The following MDFIC variants were observed in gnomAD, a reference collection of about 807,000 sequenced individuals.
The protein encoded by MDFIC is myoD family inhibitor domain-containing protein.
Under a neutral mutation model 23.2 loss-of-function variants are expected in MDFIC, and 17 were observed. The observed-to-expected ratio is 0.73, with a 90% confidence interval of 0.50 to 1.10. MDFIC has a LOEUF of 1.10. Among genes scored for constraint, MDFIC ranks in the 50% least tolerant of loss-of-function variants. The probability of loss-of-function intolerance (pLI) is 0.00; values close to 1 mark genes in which losing one functional copy is unlikely to be tolerated. For missense variants in MDFIC, 356 were observed against 316.6 expected (o/e 1.12, Z -0.95); for synonymous variants, 120 against 115.2 (o/e 1.04, Z -0.27).
At chr7:114,960,818 G>A (rs900680446) in intron 3 of MDFIC, among the ~76,000 whole-genome samples, 1 of 151,924 alleles carries the variant, frequency 6.6e-6, no homozygotes, top group African/African-American at 2.4e-5. Context: ...TTTTAAAAAG[G>A]TACACATTTA....
chr7:114,961,425 A>G (rs915721109), intron 3 of MDFIC, among the ~76,000 whole-genome samples: 2 of 152,192 alleles, frequency 1.3e-5, no homozygotes, highest in Non-Finnish European at 2.9e-5. Flanking sequence ...AGAGGGGATT[A>G]TGACACTAGT....
At chr7:114,947,044 T>G (rs1792660568) in intron 3 of MDFIC, among the ~76,000 whole-genome samples, 1 of 152,194 alleles carries the variant, frequency 6.6e-6, no homozygotes, top group Admixed American at 6.5e-5. Flanking sequence ...AGGTTTGTAT[T>G]AAGTTTATTT....
chr7:114,936,481 AGG>A (rs1792426030), intron 2 of MDFIC, among the ~76,000 whole-genome samples: 1 of 152,170 alleles, frequency 6.6e-6, no homozygotes, highest in Non-Finnish European at 1.5e-5. Flanking sequence ...CTTATAGAAA[AGG>A]TAAAGTGTAC....
At chr7:114,989,986 A>G (rs1444762624) in intron 4 of MDFIC, among the ~76,000 whole-genome samples, 3 of 152,196 alleles carry the variant, frequency 2.0e-5, no homozygotes, top group African/African-American at 7.2e-5. Flanking sequence ...GCTTTTACAC[A>G]TAGTATAGTA....
chr7:114,928,444 G>A (rs528187630), intron 2 of MDFIC, among the ~76,000 whole-genome samples: 2 of 152,306 alleles, frequency 1.3e-5, no homozygotes, highest in South Asian at 4.1e-4. Context: ...TCTAGTAGGG[G>A]ATTTGGAAAA....
intron 2 of MDFIC, among the ~76,000 whole-genome samples, chr7:114,926,060 C>T (rs1031878442): frequency 1.3e-5 from 2 of 152,046 alleles, no homozygotes; most frequent in African/African-American, 2.4e-5. Flanking sequence ...TTTGTGTGGT[C>T]CCTGTAATTG....
chr7:115,016,199 TG>T lies in MDFIC; in HGVS notation c.*265del. On this transcript the variant is annotated 3_prime_UTR_variant, in exon 5 of 5. Transcript: ENST00000393486. ...ACATTTTGACACCCCCCTTCCCAAA[TG>T]TTAAATGCCTTCTCCTTTTTACCGA... is the stretch of plus-strand genomic sequence containing the variant. The T allele has an allele frequency of 2.6e-6, 1 of 386,972 alleles. No homozygotes were observed. The highest frequency in any genetic ancestry group is 3.4e-5 in the South Asian group (1 of 29,502). The allele number at this position is 386,972 out of a possible 1,614,324, so 24.0% of individuals were successfully genotyped here. A position where few individuals can be genotyped will look rare whatever the true frequency, so the allele number is the denominator to read the frequency against.
intron 2 of MDFIC, 91 bp downstream of exon 2, chr7:114,923,218 CTG>C (rs1266848129): frequency 6.8e-7 from 1 of 1,460,670 alleles, no homozygotes; most frequent in East Asian, 2.5e-5. Context: ...GGGGGGAGTG[CTG>C]TGAGGAGGGG....
At position 114,991,007 on chromosome 7, in the gene MDFIC, C is replaced by A. The variant is rs78014755; in HGVS notation, c.493+11226C>A. 4.6e-4 allele frequency among the ~76,000 whole-genome samples: 70 copies of A among 150,554 alleles called. 2 individuals carry two copies. The East Asian group carries it at 0.013, about 27-fold the overall frequency. ...CTATTTCTCCACATCCTCTCTAGCA[C>A]CTGTTGTTTCCTGACTTTTTAATGA... On this transcript the variant is annotated intron_variant, in intron 4 of 4. Transcript: ENST00000393486.
chr7:114,995,928 G>A (rs891483384), intron 4 of MDFIC, among the ~76,000 whole-genome samples: 2 of 152,186 alleles, frequency 1.3e-5, no homozygotes, highest in Non-Finnish European at 1.5e-5. Flanking sequence ...GCTGAAGACT[G>A]CAGCTGTTCC....
At chr7:114,979,464 C>A (rs372511187) in intron 3 of MDFIC, 42 bp from the exon 4 acceptor site, 97 of 1,546,188 alleles carry the variant, frequency 6.3e-5, no homozygotes, top group Middle Eastern at 5.2e-4. Context: ...ATATTAATTT[C>A]TTTTTCTTTA....
chr7:114,996,853 A>G (rs1791343605), intron 4 of MDFIC, among the ~76,000 whole-genome samples: 1 of 152,232 alleles, frequency 6.6e-6, no homozygotes, highest in Non-Finnish European at 1.5e-5. Context: ...AAAGTGCAAA[A>G]GTACTCCAAA....
chr7:114,989,063 GGCCA>G (rs1245274286), intron 4 of MDFIC, among the ~76,000 whole-genome samples: 2 of 152,056 alleles, frequency 1.3e-5, no homozygotes, highest in African/African-American at 4.8e-5. Context: ...GTCAGAGTAA[GGCCA>G]TACTGATAAA....
chr7:115,015,025 A>T (rs1009701664), intron 4 of MDFIC, among the ~76,000 whole-genome samples: 1 of 152,194 alleles, frequency 6.6e-6, no homozygotes, highest in East Asian at 1.9e-4. Context: ...TTGCTAAGGT[A>T]CAAATTCCTT....
At chr7:114,924,751 A>T (rs1792157646) in intron 2 of MDFIC, among the ~76,000 whole-genome samples, 1 of 152,232 alleles carries the variant, frequency 6.6e-6, no homozygotes. Context: ...ATTTAAATAT[A>T]AAGTTGATTT....
chr7:114,923,157 C>T (rs1344355800), intron 2 of MDFIC, 30 bp downstream of exon 2: 25 of 1,528,842 alleles, frequency 1.6e-5, no homozygotes, highest in Non-Finnish European at 2.2e-5. Flanking sequence ...TGGCAAGCTT[C>T]TTTGTCATTG....
chr7:114,957,204 A>G (rs1325956977), intron 3 of MDFIC, among the ~76,000 whole-genome samples: 3 of 152,228 alleles, frequency 2.0e-5, no homozygotes, highest in East Asian at 3.8e-4. Flanking sequence ...TTGATATATT[A>G]CATCGAAATC....
intron 2 of MDFIC, among the ~76,000 whole-genome samples, chr7:114,934,466 A>C (rs971477157): frequency 6.6e-6 from 1 of 152,222 alleles, no homozygotes; most frequent in African/African-American, 2.4e-5. Flanking sequence ...GGATTTTCAT[A>C]TAATTTTGTA....
chr7:114,997,000 AG>A (rs1406674236), intron 4 of MDFIC, among the ~76,000 whole-genome samples: 3 of 152,150 alleles, frequency 2.0e-5, no homozygotes, highest in African/African-American at 7.2e-5. Flanking sequence ...TTTAAAACAG[AG>A]GGAGTGATCA....
Sources: allele counts gnomAD v4.1 joint callset (sites outside exome capture counted in the v4.1 genomes callset), GRCh38; gene constraint gnomAD v4.1.1; transcripts MANE v1.5; gene names NCBI Gene and HGNC (gene_info 2026-07-23, HGNC 2026-07-21).